ERBB4: variants seen among roughly 807,000 people sequenced by gnomAD.
The protein encoded by ERBB4 is receptor tyrosine-protein kinase erbB-4.
A neutral mutation model predicts 158.0 loss-of-function variants in ERBB4; 42 were observed. That is an observed-to-expected ratio of 0.27 (90% CI 0.21 to 0.34). ERBB4 has a LOEUF of 0.34. ERBB4 is among the 10% of genes least tolerant of loss of function. The probability of loss-of-function intolerance (pLI) is 1.00; values close to 1 mark genes in which losing one functional copy is unlikely to be tolerated. For missense variants in ERBB4, 1,333 were observed against 1,624.1 expected, an observed-to-expected ratio of 0.82 and a Z score of 3.08; for synonymous variants, 583 against 558.7, an observed-to-expected ratio of 1.04 and a Z score of -0.61.
chr2:212,113,925 G>A (rs2079497266), intron 2 of ERBB4, among the ~76,000 whole-genome samples: 1 of 152,164 alleles, frequency 6.6e-6, no homozygotes, highest in African/African-American at 2.4e-5. Flanking sequence ...GTAATGTAAA[G>A]TAATTCCTGT....
intron 14 of ERBB4, among the ~76,000 whole-genome samples, chr2:211,665,842 A>C (rs1381752174): frequency 1.3e-5 from 2 of 152,226 alleles, no homozygotes; most frequent in African/African-American, 4.8e-5. Context: ...AAAGGATGTC[A>C]GTATTTTCTT....
chr2:212,184,682 C>A (rs1456418577), intron 1 of ERBB4, among the ~76,000 whole-genome samples: 1 of 151,946 alleles, frequency 6.6e-6, no homozygotes, highest in South Asian at 2.1e-4. Context: ...AATTTCATTG[C>A]AGTTACAAAA....
intron 2 of ERBB4, among the ~76,000 whole-genome samples, chr2:212,122,034 A>G (rs975368286): frequency 8.3e-6 from 1 of 119,910 alleles, no homozygotes; most frequent in African/African-American, 3.0e-5. Context: ...AGTAATGATA[A>G]TATTTTATAT....
chr2:212,310,441 T>C (rs988747034), intron 1 of ERBB4, among the ~76,000 whole-genome samples: 1 of 150,770 alleles, frequency 6.6e-6, no homozygotes, highest in Non-Finnish European at 1.5e-5. Context: ...AGTGAATATT[T>C]GTTTTTCTTT....
At chr2:212,397,389 G>C (rs536445688) in intron 1 of ERBB4, among the ~76,000 whole-genome samples, 1 of 151,834 alleles carries the variant, frequency 6.6e-6, no homozygotes, top group Non-Finnish European at 1.5e-5. Flanking sequence ...GAGAGTATCA[G>C]TTGAGCCTTA....
chr2:211,512,950 G>A (rs2065918561), intron 20 of ERBB4, among the ~76,000 whole-genome samples: 2 of 152,030 alleles, frequency 1.3e-5, no homozygotes, highest in African/African-American at 4.8e-5. Flanking sequence ...TGGAAAACAA[G>A]TTTTCATGAT....
At chr2:211,555,255 G>A (rs900313381) in intron 20 of ERBB4, among the ~76,000 whole-genome samples, 3 of 151,830 alleles carry the variant, frequency 2.0e-5, no homozygotes, top group East Asian at 1.9e-4. Context: ...GCACGATCTC[G>A]GCTCACCGCA....
chr2:211,659,745 G>A (rs1221638883), intron 15 of ERBB4, among the ~76,000 whole-genome samples: 2 of 152,082 alleles, frequency 1.3e-5, no homozygotes, highest in African/African-American at 4.8e-5. Context: ...TAGTATTCTA[G>A]GAGCTAGAGG....
chr2:211,672,760 C>T (rs2071890464), intron 14 of ERBB4, among the ~76,000 whole-genome samples: 2 of 152,172 alleles, frequency 1.3e-5, no homozygotes, highest in Non-Finnish European at 2.9e-5. Context: ...AGCATCACTT[C>T]TCTATAGCCT....
intron 3 of ERBB4, among the ~76,000 whole-genome samples, chr2:211,866,908 C>G (rs1002132144): frequency 6.6e-6 from 1 of 151,146 alleles, no homozygotes; most frequent in African/African-American, 2.4e-5. Context: ...GGGACCTCCT[C>G]TTTCAGCTTT....
intron 1 of ERBB4, among the ~76,000 whole-genome samples, chr2:212,387,362 A>G (rs1056147407): frequency 6.6e-6 from 1 of 152,086 alleles, no homozygotes; most frequent in African/African-American, 2.4e-5. Context: ...TTTGGGCCTC[A>G]TGTCTGGAAT....
At chr2:211,399,657 T>TTCTTACAAATGGGTGAGTGA (rs1269936204) in intron 25 of ERBB4, among the ~76,000 whole-genome samples, 235 of 152,314 alleles carry the variant, frequency 1.5e-3, no homozygotes, top group Admixed American at 2.8e-3. Flanking sequence ...TTTAAAAGTA[T>TTCTTACAAATGGGTGAGTGA]TCTTACAAAT....
chr2:211,577,190 G>T (rs551987920), intron 19 of ERBB4, among the ~76,000 whole-genome samples: 1 of 152,280 alleles, frequency 6.6e-6, no homozygotes, highest in South Asian at 2.1e-4. Context: ...AAATGGAAAA[G>T]TGTGGCATGC....
At chr2:211,705,430 T>C (rs745755772) in intron 9 of ERBB4, 39 bp from the exon 10 acceptor site, 3 of 1,257,792 alleles carry the variant, frequency 2.4e-6, no homozygotes, top group African/African-American at 3.0e-5. Flanking sequence ...ATTTAAATTT[T>C]ACTAAAGGAT....
intron 1 of ERBB4, among the ~76,000 whole-genome samples, chr2:212,433,197 G>A (rs1404168687): frequency 6.6e-6 from 1 of 151,926 alleles, no homozygotes; most frequent in African/African-American, 2.4e-5. Context: ...AGCCTTCATA[G>A]GATAATTAAT....
chr2:211,945,355 G>C (rs1357410394), intron 3 of ERBB4, among the ~76,000 whole-genome samples: 3 of 151,970 alleles, frequency 2.0e-5, no homozygotes, highest in Admixed American at 1.3e-4. Flanking sequence ...TTCCCTTACA[G>C]AATAATTTTG....
At chr2:211,529,302 C>T (rs1029856168) in intron 20 of ERBB4, among the ~76,000 whole-genome samples, 2 of 151,492 alleles carry the variant, frequency 1.3e-5, no homozygotes, top group South Asian at 2.1e-4. Context: ...GAGATTGAAC[C>T]ATGAAGAAAT....
chr2:212,427,092 G>C (rs563732270), intron 1 of ERBB4, among the ~76,000 whole-genome samples: 1 of 152,006 alleles, frequency 6.6e-6, no homozygotes, highest in Admixed American at 6.6e-5. Context: ...ATTTTCTAAT[G>C]CAGTAGTCCA....
intron 1 of ERBB4, among the ~76,000 whole-genome samples, chr2:212,428,257 A>G (rs1215763476): frequency 1.3e-5 from 2 of 152,188 alleles, no homozygotes; most frequent in African/African-American, 2.4e-5. Context: ...TTCTTAAATT[A>G]TATGTACAGA....
Sources: allele counts gnomAD v4.1 joint callset (sites outside exome capture counted in the v4.1 genomes callset), GRCh38; gene constraint gnomAD v4.1.1; transcripts MANE v1.5; gene names NCBI Gene and HGNC (gene_info 2026-07-23, HGNC 2026-07-21).